The following CALD1 variants were observed in gnomAD, a reference collection of about 807,000 sequenced individuals.
The protein encoded by CALD1 is caldesmon 1, also known as caldesmon.
Under a neutral mutation model 99.9 loss-of-function variants are expected in CALD1, and 33 were observed. That is an observed-to-expected ratio of 0.33 (90% confidence interval 0.25 to 0.44). The LOEUF (loss-of-function observed/expected upper bound fraction) is 0.44. Ranked by LOEUF, CALD1 falls within the 20% of genes least tolerant of loss-of-function variation. The pLI, the probability that CALD1 is intolerant of heterozygous loss-of-function variation, is 1.00. For synonymous variants in CALD1, 310 were observed against 325.0 expected (o/e 0.95, Z 0.50); for missense variants, 861 against 962.1 (o/e 0.89, Z 1.39).
chr7:134,871,787 C>T (rs1801092562), intron 3 of CALD1, among the ~76,000 whole-genome samples: 1 of 152,160 alleles, frequency 6.6e-6, no homozygotes. Flanking sequence ...TGCAGTTTTA[C>T]TTTGAAATGA....
chr7:134,774,536 G>C (rs1796902195), intron 1 of CALD1, among the ~76,000 whole-genome samples: 1 of 152,200 alleles, frequency 6.6e-6, no homozygotes. Context: ...GTCTGGTTGA[G>C]AGAGAGATGC....
intron 6 of CALD1, 57 bp from the exon 7 acceptor site, chr7:134,941,035 C>T: frequency 6.7e-7 from 1 of 1,485,450 alleles, no homozygotes; most frequent in Non-Finnish European, 9.0e-7. Flanking sequence ...TGATACCAAC[C>T]AAAACCTAAT....
At chr7:134,895,693 A>T (rs183962793) in intron 3 of CALD1, among the ~76,000 whole-genome samples, 24 of 152,342 alleles carry the variant, frequency 1.6e-4, no homozygotes, top group Middle Eastern at 6.8e-3. Flanking sequence ...CTTCTCTCCT[A>T]CAAAGTAATG....
At chr7:134,791,310 C>A (rs1176765244) in intron 1 of CALD1, among the ~76,000 whole-genome samples, 1 of 152,218 alleles carries the variant, frequency 6.6e-6, no homozygotes, top group Admixed American at 6.5e-5. Context: ...GATTCTTTCA[C>A]CTCAGCCTCC....
the CALD1 span, among the ~76,000 whole-genome samples, chr7:134,728,580 C>T: frequency 3.9e-4 from 60 of 152,302 alleles, 1 homozygote; most frequent in African/African-American, 1.4e-3. Context: ...AAGGAGGCAG[C>T]TTTAGGCTAA....
intron 1 of CALD1, among the ~76,000 whole-genome samples, chr7:134,842,789 A>T (rs1330730990): frequency 6.6e-6 from 1 of 152,180 alleles, no homozygotes; most frequent in African/African-American, 2.4e-5. Context: ...TAATCTAGAA[A>T]GGTGCTAGTT....
At chr7:134,740,825 A>G (rs938982883), upstream of CALD1, among the ~76,000 whole-genome samples, 1 of 152,238 alleles carries the variant, frequency 6.6e-6, no homozygotes, top group Non-Finnish European at 1.5e-5. Flanking sequence ...CAAGCTCATT[A>G]GCAAAGGGAT....
At chr7:134,857,158 C>CTTT (rs59210460) in intron 2 of CALD1, among the ~76,000 whole-genome samples, 3,507 of 75,334 alleles carry the variant, frequency 0.047, 453 homozygotes, top group Middle Eastern at 0.067. Context: ...TTGCGCTATT[C>CTTT]TTTTTTTTTT....
chr7:134,735,552 T>G, the CALD1 span, among the ~76,000 whole-genome samples: 1 of 146,514 alleles, frequency 6.8e-6, no homozygotes, highest in East Asian at 2.0e-4. Flanking sequence ...TTTCTTTCCC[T>G]CCCCACTACC....
At chr7:134,905,922 C>CTTTTTTTTTT (rs5887716) in intron 3 of CALD1, among the ~76,000 whole-genome samples, 8 of 94,774 alleles carry the variant, frequency 8.4e-5, no homozygotes, top group Non-Finnish European at 1.6e-4. Context: ...CTCTCTATAT[C>CTTTTTTTTTT]TTTTTTTTTT....
chr7:134,887,595 T>C (rs2132472386), intron 3 of CALD1, among the ~76,000 whole-genome samples: 1 of 151,998 alleles, frequency 6.6e-6, no homozygotes, highest in Non-Finnish European at 1.5e-5. Context: ...TGTGCATGTG[T>C]GCGTATGCAT....
intron 2 of CALD1, among the ~76,000 whole-genome samples, chr7:134,851,746 T>C (rs902718643): frequency 6.6e-6 from 1 of 152,156 alleles, no homozygotes; most frequent in Non-Finnish European, 1.5e-5. Context: ...GAGGGTCTCC[T>C]ATTGGCAAGT....
At chr7:134,926,146 G>A (rs537965930) in intron 3 of CALD1, among the ~76,000 whole-genome samples, 2 of 152,260 alleles carry the variant, frequency 1.3e-5, no homozygotes, top group South Asian at 2.1e-4. Context: ...TTTTCCTCAC[G>A]AAGCGGCTCC....
At chr7:134,725,071 G>A in the CALD1 span, among the ~76,000 whole-genome samples, 1 of 152,186 alleles carries the variant, frequency 6.6e-6, no homozygotes, top group Non-Finnish European at 1.5e-5. Context: ...TTCTGAGAAT[G>A]ATGACATGAG....
the CALD1 span, among the ~76,000 whole-genome samples, chr7:134,714,468 C>T: frequency 6.6e-6 from 1 of 152,182 alleles, no homozygotes; most frequent in Non-Finnish European, 1.5e-5. Flanking sequence ...ACTCTGCCCA[C>T]CTTGCTCTCA....
chr7:134,906,494 C>T (rs1482298735), intron 3 of CALD1, among the ~76,000 whole-genome samples: 8 of 152,202 alleles, frequency 5.3e-5, no homozygotes, highest in African/African-American at 1.9e-4. Context: ...TGCCTGGCAC[C>T]TTGTAAGTCC....
At chr7:134,765,679 T>A (rs1171434448) in intron 1 of CALD1, among the ~76,000 whole-genome samples, 1 of 152,134 alleles carries the variant, frequency 6.6e-6, no homozygotes, top group Non-Finnish European at 1.5e-5. Flanking sequence ...GTATTGGAGG[T>A]GGGGCCTGGT....
At chr7:134,813,927 A>G (rs1232714049) in intron 1 of CALD1, among the ~76,000 whole-genome samples, 1 of 152,182 alleles carries the variant, frequency 6.6e-6, no homozygotes, top group Non-Finnish European at 1.5e-5. Flanking sequence ...TGGGAACACA[A>G]GATCATTGGA....
intron 3 of CALD1, chr7:134,891,660 G>A (rs1802188256): frequency 1.9e-6 from 3 of 1,606,696 alleles, no homozygotes; most frequent in East Asian, 2.2e-5. Context: ...ACGCAGCCTG[G>A]CCGCGCTCTC....
Sources: gnomAD v4.1 joint callset for allele counts (sites outside exome capture counted in the v4.1 genomes callset) on GRCh38, gnomAD v4.1.1 for gene constraint, MANE v1.5 for transcripts, NCBI Gene and HGNC (gene_info 2026-07-23, HGNC 2026-07-21) for gene names.